The following TENM1 variants were observed in gnomAD, a reference collection of about 807,000 sequenced individuals.
The protein encoded by TENM1 is teneurin-1.
Under a neutral mutation model 174.8 loss-of-function variants are expected in TENM1, and 35 were observed. That is an observed-to-expected ratio of 0.20 (90% confidence interval 0.15 to 0.27). TENM1 has a LOEUF of 0.27. Among genes scored for constraint, TENM1 ranks in the 10% least tolerant of loss-of-function variants. The pLI is 1.00. For synonymous variants in TENM1, 781 were observed against 798.7 expected (o/e 0.98, Z 0.37); for missense variants, 1,633 against 2,130.1 (o/e 0.77, Z 4.59).
At chrX:124,961,870 G>A (rs1264781718) in intron 1 of TENM1, among the ~76,000 whole-genome samples, 2 of 111,220 alleles carry the variant, frequency 1.8e-5, no homozygotes, top group African/African-American at 6.6e-5. Context: ...AAGAGATGAG[G>A]TGAGATCCCG....
At chrX:125,102,444 A>G in the TENM1 span, among the ~76,000 whole-genome samples, 1 of 111,508 alleles carries the variant, frequency 9.0e-6, no homozygotes. Context: ...TTAGAGCTGC[A>G]TAAGAACAAT....
intron 22 of TENM1, 31 bp downstream of exon 25, chrX:124,481,701 A>ATATATATATC: frequency 2.9e-6 from 1 of 340,658 alleles, no homozygotes; most frequent in Non-Finnish European, 4.8e-6. Flanking sequence ...AAGGGTATAT[A>ATATATATATC]TATATATATA....
chrX:124,435,961 G>A (rs1271066871), intron 23 of TENM1, among the ~76,000 whole-genome samples: 1 of 111,675 alleles, frequency 9.0e-6, no homozygotes, highest in Non-Finnish European at 1.9e-5. Flanking sequence ...TCAATAAAAG[G>A]GGAGGCAAAA....
chrX:124,406,863 G>A (rs114104871), intron 25 of TENM1, among the ~76,000 whole-genome samples: 2,154 of 111,467 alleles, frequency 0.019, 62 homozygotes, highest in African/African-American at 0.067. Context: ...AGCAGAGGGT[G>A]CTGTTGTCAA....
At chrX:124,667,300 T>C (rs886272912) in intron 6 of TENM1, among the ~76,000 whole-genome samples, 3 of 111,586 alleles carry the variant, frequency 2.7e-5, no homozygotes, top group African/African-American at 6.5e-5. Flanking sequence ...ACTGGTTAAA[T>C]AGTTATAGGC....
At chrX:125,037,001 G>A in the TENM1 span, among the ~76,000 whole-genome samples, 1 of 111,739 alleles carries the variant, frequency 8.9e-6, no homozygotes, top group African/African-American at 3.2e-5. Context: ...TATACCTTTT[G>A]TGGGGCTTCA....
chrX:124,795,620 A>G (rs765774907), intron 3 of TENM1, among the ~76,000 whole-genome samples: 1 of 111,341 alleles, frequency 9.0e-6, no homozygotes, highest in Non-Finnish European at 1.9e-5. Flanking sequence ...TTTGCTTTCT[A>G]TTGAAGTAGT....
chrX:124,429,201 C>T (rs1016259527), intron 23 of TENM1, among the ~76,000 whole-genome samples: 1 of 112,108 alleles, frequency 8.9e-6, no homozygotes, highest in African/African-American at 3.2e-5. Flanking sequence ...CTGGCCTCCC[C>T]TTATCCCCTT....
chrX:124,752,061 C>T (rs1285540315), intron 3 of TENM1, among the ~76,000 whole-genome samples: 2 of 110,633 alleles, frequency 1.8e-5, no homozygotes, highest in South Asian at 3.9e-4. Flanking sequence ...CCTGAGGAAT[C>T]GCCACACTGA....
intron 27 of TENM1, among the ~76,000 whole-genome samples, chrX:124,403,520 C>CAAAAA (rs200809417): frequency 1.3e-5 from 1 of 76,156 alleles, no homozygotes; most frequent in Non-Finnish European, 2.5e-5. Context: ...ACTCTTGTCT[C>CAAAAA]AAAAAAAAAA....
chrX:124,446,385 G>A (rs995403391), intron 23 of TENM1, among the ~76,000 whole-genome samples: 7 of 112,636 alleles, frequency 6.2e-5, no homozygotes, highest in Non-Finnish European at 9.4e-5. Context: ...AGACAAAATA[G>A]AATAGTGTAA....
intron 23 of TENM1, among the ~76,000 whole-genome samples, chrX:124,429,096 C>T (rs1488856754): frequency 9.0e-6 from 1 of 111,480 alleles, no homozygotes; most frequent in Admixed American, 9.5e-5. Context: ...AAACTATTAA[C>T]ATCTCCACTC....
intron 14 of TENM1, among the ~76,000 whole-genome samples, chrX:124,553,781 C>G (rs1242455518): frequency 1.8e-5 from 2 of 111,083 alleles, no homozygotes; most frequent in Non-Finnish European, 3.8e-5. Flanking sequence ...TTGCTATTTC[C>G]TCAATGACTA....
chrX:124,777,219 A>C (rs2148631915), intron 3 of TENM1, among the ~76,000 whole-genome samples: 1 of 111,940 alleles, frequency 8.9e-6, no homozygotes, highest in East Asian at 2.8e-4. Context: ...TACTGCTCTT[A>C]ACCTCTGAAG....
the TENM1 span, among the ~76,000 whole-genome samples, chrX:125,046,385 T>C: frequency 8.9e-6 from 1 of 112,278 alleles, no homozygotes; most frequent in Non-Finnish European, 1.9e-5. Context: ...CAAGCATTTC[T>C]AGTGGGGAGA....
intron 22 of TENM1, among the ~76,000 whole-genome samples, chrX:124,471,085 C>T (rs2061294305): frequency 1.1e-5 from 1 of 91,325 alleles, no homozygotes; most frequent in Non-Finnish European, 2.1e-5. Context: ...TACATATACT[C>T]CCTTTCAAAC....
intron 14 of TENM1, among the ~76,000 whole-genome samples, chrX:124,556,918 T>A (rs962726672): frequency 1.8e-5 from 2 of 112,051 alleles, no homozygotes; most frequent in African/African-American, 6.5e-5. Flanking sequence ...TTATTTAATA[T>A]CTACCTGCCT....
chrX:125,180,529 T>TA, the TENM1 span, among the ~76,000 whole-genome samples: 1 of 107,025 alleles, frequency 9.3e-6, no homozygotes, highest in African/African-American at 3.4e-5. Context: ...TAAATAAAAA[T>TA]AAAAAATATA....
the TENM1 span, among the ~76,000 whole-genome samples, chrX:124,977,992 G>A: frequency 2.0e-5 from 2 of 97,564 alleles, no homozygotes; most frequent in Non-Finnish European, 4.1e-5. Flanking sequence ...GAGAGAGAGA[G>A]AGAGAGAGAG....
Sources: gnomAD v4.1 joint callset for allele counts (sites outside exome capture counted in the v4.1 genomes callset) on GRCh38, gnomAD v4.1.1 for gene constraint, MANE v1.5 for transcripts, NCBI Gene and HGNC (gene_info 2026-07-23, HGNC 2026-07-21) for gene names.